SERPINB12: variants seen among roughly 807,000 people sequenced by gnomAD.
The protein encoded by SERPINB12 is serpin family B member 12.
SERPINB12 carries 57 observed loss-of-function variants against 41.1 expected under a neutral mutation model. That is an observed-to-expected ratio of 1.39 (90% confidence interval 1.12 to 1.73). SERPINB12 has a LOEUF of 1.73. SERPINB12 is among the 40% of genes most tolerant of loss of function. SERPINB12 has a pLI of 0.00. For synonymous variants in SERPINB12, 180 were observed against 181.3 expected (o/e 0.99, Z 0.06); for missense variants, 536 against 501.9 (o/e 1.07, Z -0.65).
chr18:63,529,519 C>A, the SERPINB12 span, among the ~76,000 whole-genome samples: 1 of 152,192 alleles, frequency 6.6e-6, no homozygotes, highest in Non-Finnish European at 1.5e-5. Context: ...TGACAACTTG[C>A]ACAGATAAAA....
chr18:63,551,150 T>G (rs8094422), intron 1 of SERPINB12, among the ~76,000 whole-genome samples: 87,182 of 150,918 alleles, frequency 0.58, 27,375 homozygotes, highest in Middle Eastern at 0.72. Context: ...GCGCCTGTAG[T>G]CCCAGCTACT....
chr18:63,529,014 CA>C, the SERPINB12 span, among the ~76,000 whole-genome samples: 78 of 152,146 alleles, frequency 5.1e-4, no homozygotes, highest in South Asian at 8.3e-4. Context: ...CTGCTGGGAC[CA>C]CACTCAGTTC....
chr18:63,521,048 G>A, the SERPINB12 span, among the ~76,000 whole-genome samples: 1 of 152,188 alleles, frequency 6.6e-6, no homozygotes, highest in Admixed American at 6.5e-5. Flanking sequence ...TACCAAGGGT[G>A]GCATCAGTCC....
intron 5 of SERPINB12, among the ~76,000 whole-genome samples, chr18:63,563,175 G>A (rs556636783): frequency 1.3e-5 from 2 of 152,326 alleles, no homozygotes; most frequent in African/African-American, 4.8e-5. Flanking sequence ...GGTGGAATGA[G>A]AAAGAGCATA....
chr18:63,541,092 C>T (rs1255721845), upstream of SERPINB12, among the ~76,000 whole-genome samples: 1 of 152,144 alleles, frequency 6.6e-6, no homozygotes, highest in African/African-American at 2.4e-5. Flanking sequence ...AAATTTTCTA[C>T]CATCTCCCTA....
At chr18:63,521,602 C>T in the SERPINB12 span, among the ~76,000 whole-genome samples, 1 of 152,114 alleles carries the variant, frequency 6.6e-6, no homozygotes, top group African/African-American at 2.4e-5. Flanking sequence ...TTGTACTTAG[C>T]ATTATCTTGC....
At chr18:63,536,379 AT>A in the SERPINB12 span, among the ~76,000 whole-genome samples, 1 of 152,106 alleles carries the variant, frequency 6.6e-6, no homozygotes, top group South Asian at 2.1e-4. Context: ...AATTTTAAAA[AT>A]TATTAATGGA....
At chr18:63,524,770 G>A in the SERPINB12 span, among the ~76,000 whole-genome samples, 177 of 58,042 alleles carry the variant, frequency 3.0e-3, no homozygotes, top group African/African-American at 9.9e-3. Context: ...TTTTTTTTTC[G>A]TGACAGTCTT....
chr18:63,566,627 T>G lies in SERPINB12; in HGVS notation c.894T>G (p.Tyr298Ter). The G allele has an allele frequency of 6.2e-7, 1 of 1,607,798 alleles. No individual in the cohort carries two copies. Among genetic ancestry groups the G allele is most frequent in the Non-Finnish European group, 8.5e-7 (1 of 1,178,218 alleles). Residue 298 changes from tyrosine (Y) to a stop codon, truncating the protein, a stop_gained, in exon 8 of 8, where the codon TAT becomes TAG. Coordinates refer to ENST00000382768, the MANE Select transcript of SERPINB12 (RefSeq NM_001307928.2). LOFTEE classifies it high-confidence loss of function. ...GLEELERKIT[Y>*]EKMVAWSSSE... ...TGTAGCTTGAAAGGAAAATCACCTATGAAAAAATGGTGGCCTGGAGCAGCT... is the reference window on the plus strand; with the variant it reads ...TGTAGCTTGAAAGGAAAATCACCTAGGAAAAAATGGTGGCCTGGAGCAGCT...
chr18:63,552,146 C>T (rs1910548017), intron 1 of SERPINB12, among the ~76,000 whole-genome samples: 1 of 152,140 alleles, frequency 6.6e-6, no homozygotes, highest in African/African-American at 2.4e-5. Flanking sequence ...TCTTTGTGTG[C>T]ATGCCATGAT....
chr18:63,539,879 A>G (rs1360509324), upstream of SERPINB12, among the ~76,000 whole-genome samples: 1 of 152,094 alleles, frequency 6.6e-6, no homozygotes, highest in African/African-American at 2.4e-5. Context: ...CTTCTTTCTA[A>G]GTTTTTCAAT....
At chr18:63,560,911 T>C (rs1248413551) in intron 4 of SERPINB12, among the ~76,000 whole-genome samples, 174 bp from the exon 5 acceptor site, 1 of 152,224 alleles carries the variant, frequency 6.6e-6, no homozygotes. Flanking sequence ...AAAACTGAAA[T>C]GTCTCTGGCT....
chr18:63,542,027 G>A (rs761872032), upstream of SERPINB12, among the ~76,000 whole-genome samples: 2 of 152,096 alleles, frequency 1.3e-5, no homozygotes, highest in Non-Finnish European at 1.5e-5. Context: ...AAAATATTCC[G>A]CTTGGGTTTT....
Position 63,566,722 on chromosome 18 carries a change from T to C in SERPINB12, c.989T>C (p.Leu330Pro), listed in dbSNP as rs1239347778. The change falls in exon 8 of 8, where the codon CTC (leucine) becomes CCC (proline). Residue 330 changes from leucine to proline, a missense_variant. Leu to Pro is a moderately conservative substitution (Grantham distance 98). Coordinates refer to ENST00000382768, the MANE Select transcript of SERPINB12 (RefSeq NM_001307928.2). ...PRFTLEDSYD[L>P]NSILQDMGIT... is the part of the protein sequence containing the mutation. ...TTCACCCTGGAAGACAGCTATGATC[T>C]CAATTCCATTTTACAAGACATGGGC... 1.2e-6 allele frequency: 2 copies of C among 1,614,184 alleles called. No homozygotes were observed. Among genetic ancestry groups the C allele is most frequent in the African/African-American group, 1.3e-5 (1 of 75,050 alleles).
the SERPINB12 span, among the ~76,000 whole-genome samples, chr18:63,526,095 G>A: frequency 6.6e-6 from 1 of 151,982 alleles, no homozygotes; most frequent in South Asian, 2.1e-4. Flanking sequence ...TAAAAATCAT[G>A]GATCTTAAAA....
chr18:63,549,562 C>CTTGAAATCTCAATCTG (rs11273329), intron 1 of SERPINB12, among the ~76,000 whole-genome samples: 2 of 151,710 alleles, frequency 1.3e-5, no homozygotes, highest in Non-Finnish European at 2.9e-5. Flanking sequence ...TGTTTGCAAT[C>CTTGAAATCTCAATCTG]TATTTAGGAT....
the SERPINB12 span, among the ~76,000 whole-genome samples, chr18:63,534,281 A>G: frequency 1.3e-5 from 2 of 152,202 alleles, no homozygotes; most frequent in African/African-American, 2.4e-5. Context: ...TAAGGAGACA[A>G]CACATTAAAA....
upstream of SERPINB12, among the ~76,000 whole-genome samples, chr18:63,538,909 C>G (rs1003668101): frequency 6.6e-6 from 1 of 152,122 alleles, no homozygotes; most frequent in Non-Finnish European, 1.5e-5. Flanking sequence ...CGGTATCTCA[C>G]TGTAGTTTTA....
intron 2 of SERPINB12, 124 bp from the exon 3 acceptor site, chr18:63,558,227 CT>C: frequency 8.8e-7 from 1 of 1,134,242 alleles, no homozygotes; most frequent in Non-Finnish European, 1.2e-6. Context: ...TTCCTTTAAA[CT>C]GTTGTTGATT....
Sources: allele counts gnomAD v4.1 joint callset (sites outside exome capture counted in the v4.1 genomes callset), GRCh38; gene constraint gnomAD v4.1.1; transcripts MANE v1.5; gene names NCBI Gene and HGNC (gene_info 2026-07-23, HGNC 2026-07-21).